CELF4: variants seen among roughly 807,000 people sequenced by gnomAD.
CELF4 encodes CUGBP Elav-like family member 4.
In CELF4, 18 loss-of-function variants were observed where a neutral mutation model predicts 59.9. The ratio of observed to expected loss-of-function variants is 0.30; its 90% CI spans 0.21 to 0.45. The LOEUF (loss-of-function observed/expected upper bound fraction) is 0.45. Ranked by LOEUF, CELF4 falls within the 20% of genes least tolerant of loss-of-function variation. The pLI is 1.00. For missense variants in CELF4, 456 were observed against 689.0 expected, an observed-to-expected ratio of 0.66 and a Z score of 3.79; for synonymous variants, 261 against 267.1, an observed-to-expected ratio of 0.98 and a Z score of 0.22.
intron 11 of CELF4, among the ~76,000 whole-genome samples, chr18:37,258,585 G>A (rs2071818715): frequency 1.3e-5 from 2 of 152,074 alleles, no homozygotes; most frequent in Non-Finnish European, 2.9e-5. Context: ...TGAGGCAGGT[G>A]AGTGGGGAGG....
chr18:37,420,431 C>T (rs1256183669), intron 2 of CELF4, among the ~76,000 whole-genome samples: 1 of 152,178 alleles, frequency 6.6e-6, no homozygotes, highest in African/African-American at 2.4e-5. Context: ...GAACGGGAAT[C>T]CTCAGGAAAG....
chr18:37,284,449 G>A (rs757268015), intron 3 of CELF4, among the ~76,000 whole-genome samples: 3 of 152,224 alleles, frequency 2.0e-5, no homozygotes, highest in Non-Finnish European at 4.4e-5. Flanking sequence ...TCTCGCCTGC[G>A]CCTGGCCTCA....
At position 37,259,161 on chromosome 18, in the gene CELF4, T is replaced by C; in HGVS notation, c.1333+20A>G. ...GGTTAGTCGCCCGATCCACAAACAC[T>C]TTCGAGGAGATGACATTACCGAAAG... On this transcript the variant is annotated intron_variant, in intron 11 of 12. Transcript: ENST00000420428. 2 of 1,613,752 alleles carry C rather than the reference T, an allele frequency of 1.2e-6. No homozygotes were observed. Among genetic ancestry groups the C allele is most frequent in the Non-Finnish European group, 1.7e-6 (2 of 1,179,962 alleles).
Position 37,289,676 on chromosome 18 carries a change from A to G in CELF4, c.449-14433T>C, listed in dbSNP as rs147183302. On this transcript the variant is annotated intron_variant, in intron 3 of 12. Transcript: ENST00000420428. The stretch of plus-strand genomic sequence containing the variant: ...CACATCCTGTCCACTTCTCACCACC[A>G]TGTTCCAGTAGAATATGATGAGAGT... 9.4e-4 allele frequency among the ~76,000 whole-genome samples: 143 copies of G among 152,128 alleles called. No individual in the cohort carries two copies. The Middle Eastern group carries it at 0.014, about 14-fold the overall frequency.
intron 2 of CELF4, among the ~76,000 whole-genome samples, chr18:37,425,117 T>A (rs951564769): frequency 1.3e-5 from 2 of 152,206 alleles, no homozygotes; most frequent in Non-Finnish European, 2.9e-5. Context: ...ACTTTGGGAT[T>A]CTGGAGGACA....
intron 1 of CELF4, among the ~76,000 whole-genome samples, chr18:37,539,134 C>T (rs183599600): frequency 6.6e-6 from 1 of 152,226 alleles, no homozygotes; most frequent in Non-Finnish European, 1.5e-5. Context: ...AAACACACTG[C>T]CTCTTGGAAA....
intron 2 of CELF4, among the ~76,000 whole-genome samples, chr18:37,470,511 A>G (rs1007237128): frequency 2.0e-5 from 3 of 152,176 alleles, no homozygotes; most frequent in African/African-American, 7.2e-5. Context: ...TTTTCAAGAT[A>G]AAGGCCATGT....
chr18:37,346,352 A>C lies in CELF4; in HGVS notation c.370-24471T>G, dbSNP rs141885865. ...TCTGTAGGGAGCCCAGGGGGAAAAA[A>C]GAGCTCTAGGCTCCAGGGGAGAAGT... On this transcript the variant is annotated intron_variant, in intron 2 of 12. Transcript: ENST00000420428. Among the ~76,000 whole-genome samples the C allele has an allele frequency of 6.3e-3, 962 of 152,308 alleles. 5 individuals carry two copies. The highest frequency in any genetic ancestry group is 0.011 in the Non-Finnish European group (774 of 68,028).
intron 1 of CELF4, among the ~76,000 whole-genome samples, chr18:37,526,698 G>C (rs1228973036): frequency 6.6e-6 from 1 of 152,186 alleles, no homozygotes; most frequent in African/African-American, 2.4e-5. Context: ...GCAAACTCTG[G>C]ACGTCCTTCT....
chr18:37,297,415 C>T (rs16968704), intron 3 of CELF4, among the ~76,000 whole-genome samples: 5,670 of 152,268 alleles, frequency 0.037, 347 homozygotes, highest in African/African-American at 0.13. Flanking sequence ...CATCAGAGCA[C>T]GGTCCTCCCG....
rs7237145 is a variant in CELF4 at position 37,469,687 on chromosome 18, G to T, written c.369+15838C>A. On this transcript the variant is annotated intron_variant, in intron 2 of 12. Coordinates refer to ENST00000420428, the MANE Select transcript of CELF4 (RefSeq NM_020180.4). ...CGTTTAATAAGAATAGAAGAAGATG[G>T]CACATACTGTCTTCTCAGAACCTCT... Among the ~76,000 whole-genome samples the T allele has an allele frequency of 7.8e-3, 1,194 of 152,288 alleles. 22 individuals carry two copies. The highest frequency in any genetic ancestry group is 0.027 in the African/African-American group (1,126 of 41,550).
chr18:37,493,717 T>G (rs1311601874), intron 1 of CELF4, among the ~76,000 whole-genome samples: 1 of 152,090 alleles, frequency 6.6e-6, no homozygotes, highest in Non-Finnish European at 1.5e-5. Context: ...CCTAAGCCAA[T>G]GCATCAGAGG....
At chr18:37,354,745 C>G (rs1344376554) in intron 2 of CELF4, among the ~76,000 whole-genome samples, 2 of 152,114 alleles carry the variant, frequency 1.3e-5, no homozygotes, top group Non-Finnish European at 2.9e-5. Flanking sequence ...AAAGGGCCCT[C>G]TAGGCCTTCC....
chr18:37,321,998 C>T, intron 2 of CELF4, 117 bp from the exon 3 acceptor site: 1 of 679,570 alleles, frequency 1.5e-6, no homozygotes, highest in Non-Finnish European at 2.4e-6. Context: ...CAGACACGCG[C>T]TCCCACAACA....
Position 37,274,841 on chromosome 18 carries a change from G to C in CELF4, c.621C>G (p.Ala207=). The C allele has an allele frequency of 6.2e-7, 1 of 1,607,912 alleles. No homozygotes were observed. Among genetic ancestry groups the C allele is most frequent in the South Asian group, 1.1e-5 (1 of 90,246 alleles). The change falls in exon 5 of 13, where the codon GCC becomes GCG. Residue 207 remains alanine (A), a synonymous_variant. Transcript: ENST00000420428. ...VKYSSHAEAQ[A]AINALHGSQT... ...GGCTGCCGTGTAGCGCGTTGATGGC[G>C]GCCTGCGCCTCGGCGTGGGAGGAGT...
intron 2 of CELF4, among the ~76,000 whole-genome samples, chr18:37,429,846 G>T (rs1006533474): frequency 1.3e-5 from 2 of 152,174 alleles, no homozygotes; most frequent in Non-Finnish European, 2.9e-5. Flanking sequence ...CCCTACGGAA[G>T]ACCCCACACT....
intron 1 of CELF4, among the ~76,000 whole-genome samples, chr18:37,564,879 C>T (rs2099987685): frequency 6.6e-6 from 1 of 152,128 alleles, no homozygotes; most frequent in African/African-American, 2.4e-5. Flanking sequence ...TAGACGGCTG[C>T]GCTCCTGCTA....
At chr18:37,485,195 G>A (rs2099878213) in intron 2 of CELF4, among the ~76,000 whole-genome samples, 1 of 151,934 alleles carries the variant, frequency 6.6e-6, no homozygotes, top group Non-Finnish European at 1.5e-5. Flanking sequence ...GGCCCGCGTC[G>A]ACTCGATGGG....
At chr18:37,494,541 G>GT (rs1004900024) in intron 1 of CELF4, among the ~76,000 whole-genome samples, 23 of 152,300 alleles carry the variant, frequency 1.5e-4, no homozygotes, top group East Asian at 7.7e-4. Context: ...CCTTATGTGT[G>GT]TTTTTTTGGC....
Sources: gnomAD v4.1 joint callset for allele counts (sites outside exome capture counted in the v4.1 genomes callset) on GRCh38, gnomAD v4.1.1 for gene constraint, MANE v1.5 for transcripts, NCBI Gene and HGNC (gene_info 2026-07-23, HGNC 2026-07-21) for gene names.